CPA4: variants seen among roughly 807,000 people sequenced by gnomAD.
CPA4 encodes the protein carboxypeptidase A4.
Under a neutral mutation model 54.7 loss-of-function variants are expected in CPA4, and 49 were observed. The observed-to-expected ratio is 0.90, with a 90% confidence interval of 0.71 to 1.14. The LOEUF (loss-of-function observed/expected upper bound fraction) is 1.14, where lower values mean the gene tolerates loss of function less well. Among genes scored for constraint, CPA4 ranks in the 50% most tolerant of loss-of-function variants. The pLI, the probability that CPA4 is intolerant of heterozygous loss-of-function variation, is 0.00. For synonymous variants in CPA4, 215 were observed against 206.8 expected (o/e 1.04, Z -0.34); for missense variants, 487 against 525.1 (o/e 0.93, Z 0.71).
At chr7:130,294,379 T>C (rs3807344) in intron 1 of CPA4, among the ~76,000 whole-genome samples, 55,047 of 152,066 alleles carry the variant, frequency 0.36, 10,200 homozygotes, top group East Asian at 0.5. Context: ...GACTAAGTTT[T>C]ATGATGATGA....
chr7:130,300,743 C>A, intron 3 of CPA4, 73 bp from the exon 4 acceptor site: 1 of 1,044,134 alleles, frequency 9.6e-7, no homozygotes. Flanking sequence ...GACCCATATG[C>A]AAAGATATGG....
intron 1 of CPA4, among the ~76,000 whole-genome samples, chr7:130,296,963 G>A (rs3778856): frequency 0.33 from 50,055 of 149,646 alleles, 8,765 homozygotes; most frequent in East Asian, 0.51. Context: ...TTTAATTTTA[G>A]TTTTTTGAGA....
chr7:130,310,796 C>A lies in CPA4; in HGVS notation c.803C>A (p.Ala268Asp), dbSNP rs1478158853. 2 of 1,613,994 alleles carry A rather than the reference C, an allele frequency of 1.2e-6. No homozygotes were observed. The highest frequency in any genetic ancestry group is 1.3e-5 in the African/African-American group (1 of 75,052). Residue 268 changes from alanine to aspartate, a missense_variant, in exon 9 of 11, where the codon GCC becomes GAC. Physicochemically the swap from Ala to Asp is moderately radical, Grantham distance 126 (BLOSUM62 -2). Transcript: ENST00000222482. The surrounding 1 kb of genome is among the most constrained non-coding windows in gnomAD (Gnocchi z 4.3). ...GGGCTATCCCCAACAGGAAAGGGAG[C>A]CAGCGACAACCCTTGCTCCGAAGTG... is the stretch of plus-strand genomic sequence containing the variant. ...NWNASFAGKGASDNPCSEVYH... is the reference protein window; with the variant it reads ...NWNASFAGKGDSDNPCSEVYH...
At position 130,310,163 on chromosome 7, in the gene CPA4, A is replaced by G. The variant is rs1793888938; in HGVS notation, c.794-624A>G. The stretch of plus-strand genomic sequence containing the variant: ...TGACTGTGGGAAAGGAACTGATACA[A>G]ATGTGGGAACTCAGAGCTTCAAAGT... On this transcript the variant is annotated intron_variant, in intron 8 of 10. Transcript: ENST00000222482. The surrounding 1 kb of genome is among the most constrained non-coding windows in gnomAD (Gnocchi z 4.3). 1.3e-5 allele frequency among the ~76,000 whole-genome samples: 2 copies of G among 152,174 alleles called. No homozygotes were observed. Among genetic ancestry groups the G allele is most frequent in the Admixed American group, 1.3e-4 (2 of 15,274 alleles).
intron 10 of CPA4, among the ~76,000 whole-genome samples, chr7:130,314,640 T>A (rs944876133): frequency 6.6e-6 from 1 of 152,112 alleles, no homozygotes; most frequent in African/African-American, 2.4e-5. Flanking sequence ...GTGGTTGTAT[T>A]GGTGAGGTTG....
Position 130,299,323 on chromosome 7 carries a change from C to T in CPA4, c.204C>T (p.Val68=), listed in dbSNP as rs750495053. ...TCAATCGGCCTGTGGATGTCCTGGT[C>T]CCATCTGTCAGTCTGCAGGCATTTA... The part of the protein sequence containing the change: ...SSFNRPVDVL[V]PSVSLQAFKS... Residue 68 remains valine (V), a synonymous_variant, in exon 3 of 11, where the codon GTC becomes GTT. Coordinates refer to ENST00000222482, the MANE Select transcript of CPA4 (RefSeq NM_016352.4). The T allele has an allele frequency of 2.5e-6, 4 of 1,613,078 alleles. No individual in the cohort carries two copies. The highest frequency in any genetic ancestry group is 2.5e-6 in the Non-Finnish European group (3 of 1,179,130).
Position 130,307,563 on chromosome 7 carries a change from C to T in CPA4, c.702+666C>T, listed in dbSNP as rs562948749. On this transcript the variant is annotated intron_variant, in intron 7 of 10. Coordinates refer to ENST00000222482, the MANE Select transcript of CPA4 (RefSeq NM_016352.4). ...AGGAGAATGACGTGAACCCGGGAGG[C>T]GGAGCTTGCAGTGAGCCGAGATGGC... Among the ~76,000 whole-genome samples the T allele has an allele frequency of 3.5e-5, 5 of 143,398 alleles. No homozygotes were observed. In the South Asian group the frequency reaches 6.7e-4, roughly 19 times the overall value. 94.1% of individuals were successfully genotyped at this position (143,398 alleles called of 152,430 possible). A position where few individuals can be genotyped will look rare whatever the true frequency, so the allele number is the denominator to read the frequency against.
chr7:130,311,617 C>G (rs1286647620), intron 9 of CPA4, among the ~76,000 whole-genome samples: 2 of 152,134 alleles, frequency 1.3e-5, no homozygotes, highest in South Asian at 2.1e-4. Context: ...ACACCCAACT[C>G]TTTGAGAGCT....
chr7:130,298,266 G>A (rs983965444), intron 1 of CPA4, among the ~76,000 whole-genome samples: 1 of 152,234 alleles, frequency 6.6e-6, no homozygotes, highest in Non-Finnish European at 1.5e-5. Context: ...CAGTGAAGAA[G>A]TGCTTCTTTA....
At chr7:130,296,584 C>T (rs1793651825) in intron 1 of CPA4, among the ~76,000 whole-genome samples, 1 of 150,996 alleles carries the variant, frequency 6.6e-6, no homozygotes, top group Non-Finnish European at 1.5e-5. Flanking sequence ...TCCTTTTCCT[C>T]TTTGTGATTG....
chr7:130,305,022 A>G (rs1172908093), intron 5 of CPA4, among the ~76,000 whole-genome samples: 1 of 152,166 alleles, frequency 6.6e-6, no homozygotes, highest in Non-Finnish European at 1.5e-5. Context: ...ACAAAGCCTA[A>G]TTTCCAAATA....
intron 10 of CPA4, among the ~76,000 whole-genome samples, chr7:130,315,625 C>T (rs553047048): frequency 7.2e-5 from 11 of 152,112 alleles, no homozygotes; most frequent in East Asian, 5.8e-4. Flanking sequence ...AATTTGGAGG[C>T]GACAATAGAA....
rs146302128 is a variant in CPA4 at position 130,310,117 on chromosome 7, C to A, written c.794-670C>A. ...CTTTTACTTGTATAGAAATACCACA[C>A]AAACCATTGGGGGAAAATAATGACT... On this transcript the variant is annotated intron_variant, in intron 8 of 10. Coordinates refer to ENST00000222482, the MANE Select transcript of CPA4 (RefSeq NM_016352.4). This position sits in a 1 kb window ranked among gnomAD's most constrained non-coding sequence, Gnocchi z 4.3. Among the ~76,000 whole-genome samples, 1 of 152,222 alleles carries A rather than the reference C, an allele frequency of 6.6e-6. No individual in the cohort carries two copies. The highest frequency in any genetic ancestry group is 1.5e-5 in the Non-Finnish European group (1 of 68,008).
At position 130,304,580 on chromosome 7, in the gene CPA4, G is replaced by T. The variant is rs1357059447; in HGVS notation, c.486+1G>T. ...AAACCGGCCGATGTATGTACTGAAG[G>T]TGAGGCCACATGCACTTGGAAGGGT... On this transcript the variant is annotated splice_donor_variant, in intron 5 of 10. Transcript: ENST00000222482. LOFTEE classifies it high-confidence loss of function. The T allele has an allele frequency of 6.3e-7, 1 of 1,588,278 alleles. No individual in the cohort carries two copies. Among genetic ancestry groups the T allele is most frequent in the Admixed American group, 1.7e-5 (1 of 59,988 alleles).
intron 10 of CPA4, 134 bp downstream of exon 10, chr7:130,312,256 A>G (rs933994521): frequency 3.0e-6 from 2 of 661,384 alleles, no homozygotes; most frequent in Non-Finnish European, 5.4e-6. Context: ...ACTGAACTAC[A>G]TCATGCCTGT....
chr7:130,310,827 T>A lies in CPA4; in HGVS notation c.834T>A (p.His278Gln). The A allele has an allele frequency of 6.2e-7, 1 of 1,614,246 alleles. No homozygotes were observed. Among genetic ancestry groups the A allele is most frequent in the Middle Eastern group, 1.6e-4 (1 of 6,062 alleles). The change falls in exon 9 of 11, where the codon CAT (histidine) becomes CAA (glutamine). Residue 278 changes from histidine (H) to glutamine (Q), a missense_variant. Transcript: ENST00000222482. This position sits in a 1 kb window ranked among gnomAD's most constrained non-coding sequence, Gnocchi z 4.3. ...ACAACCCTTGCTCCGAAGTGTACCA[T>A]GGACCCCACGCCAATTCGGAAGTGG... ...ASDNPCSEVY[H>Q]GPHANSEVEV...
chr7:130,295,769 C>T (rs904349019), intron 1 of CPA4, among the ~76,000 whole-genome samples: 3 of 152,120 alleles, frequency 2.0e-5, no homozygotes, highest in East Asian at 1.9e-4. Context: ...CACCTGAGGT[C>T]GGGAGTTCGA....
At chr7:130,293,679 T>G (rs1368522189) in intron 1 of CPA4, among the ~76,000 whole-genome samples, 1 of 152,202 alleles carries the variant, frequency 6.6e-6, no homozygotes, top group African/African-American at 2.4e-5. Context: ...TCAAGCTTGT[T>G]GGTTTCACTT....
Position 130,299,453 on chromosome 7 carries a change from G to T in CPA4, c.285+49G>T, listed in dbSNP as rs761991367. The T allele has an allele frequency of 2.5e-6, 4 of 1,586,808 alleles. 1 individual carries two copies. Among genetic ancestry groups the T allele is most frequent in the Non-Finnish European group, 3.5e-6 (4 of 1,156,386 alleles). ...TCCTGCTCTTGCATAGGACCAGGCAGCCAGTCCAGAGTAGACCGGAGTGAT... is the reference window on the plus strand; with the variant it reads ...TCCTGCTCTTGCATAGGACCAGGCATCCAGTCCAGAGTAGACCGGAGTGAT... On this transcript the variant is annotated intron_variant, in intron 3 of 10. Transcript: ENST00000222482.
Sources: allele counts gnomAD v4.1 joint callset (sites outside exome capture counted in the v4.1 genomes callset), GRCh38; gene constraint gnomAD v4.1.1; non-coding constraint Gnocchi (gnomAD v3.1); transcripts MANE v1.5; gene names NCBI Gene and HGNC (gene_info 2026-07-23, HGNC 2026-07-21).